Variants in THRAP3 observed in about 807,000 individuals in gnomAD.
THRAP3 encodes thyroid hormone receptor-associated protein 3.
THRAP3 carries 16 observed loss-of-function variants against 101.0 expected under a neutral mutation model. The ratio of observed to expected loss-of-function variants is 0.16; its 90% CI spans 0.11 to 0.24. The LOEUF is 0.24. Among genes scored for constraint, THRAP3 ranks in the 10% least tolerant of loss-of-function variants. The pLI is 1.00. For missense variants in THRAP3, 989 were observed against 1,202.7 expected (o/e 0.82, Z 2.63); for synonymous variants, 407 against 422.6 (o/e 0.96, Z 0.45).
chr1:36,288,639 CA>C (rs1645826189), intron 4 of THRAP3: 4 of 985,280 alleles, frequency 4.1e-6, no homozygotes, highest in Non-Finnish European at 4.8e-6. Context: ...TGTATAAAAG[CA>C]AAACAGTCCA....
intron 9 of THRAP3, among the ~76,000 whole-genome samples, chr1:36,298,131 A>G (rs1222134774): frequency 1.7e-5 from 2 of 119,802 alleles, no homozygotes; most frequent in Non-Finnish European, 3.3e-5. Context: ...TAGGCGACAG[A>G]GTGAGACTTC....
intron 2 of THRAP3, among the ~76,000 whole-genome samples, chr1:36,269,016 G>A (rs545895262): frequency 6.6e-6 from 1 of 152,414 alleles, no homozygotes; most frequent in Admixed American, 6.5e-5. Flanking sequence ...ATGAGCCACC[G>A]CGCCCAGCCG....
chr1:36,261,013 G>C (rs1645439092), intron 2 of THRAP3, among the ~76,000 whole-genome samples: 1 of 151,972 alleles, frequency 6.6e-6, no homozygotes, highest in Non-Finnish European at 1.5e-5. Context: ...ATTTTGCTTA[G>C]TTTCTATGTC....
chr1:36,234,021 T>C (rs1252673100), intron 1 of THRAP3, among the ~76,000 whole-genome samples: 1 of 152,076 alleles, frequency 6.6e-6, no homozygotes, highest in Non-Finnish European at 1.5e-5. Flanking sequence ...GGTGGCGTGA[T>C]CACGGCTAAC....
intron 2 of THRAP3, among the ~76,000 whole-genome samples, chr1:36,275,370 G>A (rs1399409625): frequency 1.4e-5 from 2 of 147,266 alleles, no homozygotes; most frequent in Non-Finnish European, 3.0e-5. Flanking sequence ...GGTGGATCAC[G>A]AGGTCAGGAG....
intron 1 of THRAP3, among the ~76,000 whole-genome samples, chr1:36,235,033 C>T (rs928403247): frequency 6.6e-6 from 1 of 152,138 alleles, no homozygotes; most frequent in African/African-American, 2.4e-5. Flanking sequence ...AGGCAGGTTT[C>T]GAACTCCTGA....
chr1:36,221,902 T>C (rs1279590240), upstream of THRAP3, among the ~76,000 whole-genome samples: 1 of 151,882 alleles, frequency 6.6e-6, no homozygotes. Flanking sequence ...CTCTGCCTTC[T>C]GGGTTCAAGC....
chr1:36,223,385 A>C (rs374336492), upstream of THRAP3, among the ~76,000 whole-genome samples: 1 of 152,246 alleles, frequency 6.6e-6, no homozygotes, highest in African/African-American at 2.4e-5. Flanking sequence ...TTTTCTCTGG[A>C]GGTGCAGAAA....
chr1:36,234,849 C>G (rs1271083576), intron 1 of THRAP3, among the ~76,000 whole-genome samples: 1 of 119,710 alleles, frequency 8.4e-6, no homozygotes, highest in Non-Finnish European at 1.6e-5. Context: ...GAGTCTCGCT[C>G]TGTCGCCTAG....
In THRAP3 at chr1:36,235,626, AAGG is replaced by A. The variant is rs566602351; in HGVS notation, c.-135+11122_-135+11124del. On this transcript the variant is annotated intron_variant, in intron 1 of 11. Transcript: ENST00000354618. ...AAAAATATGATGATTATTGTTGGTG[AAGG>A]TTTGGGGAAATTCTCAAACACTGCT... 2.9e-4 allele frequency among the ~76,000 whole-genome samples: 44 copies of A among 152,302 alleles called. No individual in the cohort carries two copies. In the South Asian group the frequency reaches 9.1e-3, roughly 32 times the overall value.
At chr1:36,217,101 G>A in the THRAP3 span, among the ~76,000 whole-genome samples, 1 of 152,292 alleles carries the variant, frequency 6.6e-6, no homozygotes, top group African/African-American at 2.4e-5. Context: ...AATGAATGAA[G>A]TGATACAGTT....
At chr1:36,234,950 A>G (rs1246615046) in intron 1 of THRAP3, among the ~76,000 whole-genome samples, 1 of 151,198 alleles carries the variant, frequency 6.6e-6, no homozygotes, top group Non-Finnish European at 1.5e-5. Flanking sequence ...AGTAGCTGGG[A>G]TTACAGGCAT....
At chr1:36,260,678 C>G (rs11805276) in intron 2 of THRAP3, among the ~76,000 whole-genome samples, 9 of 151,928 alleles carry the variant, frequency 5.9e-5, no homozygotes. Context: ...AAAAATTAGC[C>G]GGGCGTGGTG....
chr1:36,293,435 G>C (rs1225984400), intron 7 of THRAP3, among the ~76,000 whole-genome samples: 1 of 152,208 alleles, frequency 6.6e-6, no homozygotes, highest in Non-Finnish European at 1.5e-5. Context: ...AGAGGCGGGA[G>C]CTTGTAGGAT....
intron 1 of THRAP3, among the ~76,000 whole-genome samples, chr1:36,230,080 G>A (rs953193380): frequency 3.3e-5 from 5 of 150,528 alleles, no homozygotes; most frequent in East Asian, 3.9e-4. Flanking sequence ...TCAGCCTCCC[G>A]AGTCGCTGGG....
intron 2 of THRAP3, among the ~76,000 whole-genome samples, chr1:36,262,511 C>T (rs1645459257): frequency 6.6e-6 from 1 of 152,190 alleles, no homozygotes; most frequent in African/African-American, 2.4e-5. Context: ...AGACCATTGT[C>T]TGTAAAAGCT....
chr1:36,256,374 C>T (rs1272856722), intron 1 of THRAP3, among the ~76,000 whole-genome samples: 2 of 151,036 alleles, frequency 1.3e-5, no homozygotes, highest in African/African-American at 2.4e-5. Flanking sequence ...TACAGGCGCC[C>T]GCCACCACGC....
Position 36,303,837 on chromosome 1 carries a change from C to T in THRAP3, c.2688C>T (p.Ser896=). Residue 896 remains serine (S), a synonymous_variant, in exon 12 of 12, where the codon AGC becomes AGT. Coordinates refer to ENST00000354618, the MANE Select transcript of THRAP3 (RefSeq NM_005119.4). ...REGEGSDKWV[S]RGRGRGAFPR... ...GCGAAGGCAGTGACAAGTGGGTGAG[C>T]CGGGGCCGGGGCCGAGGAGCCTTTC... The T allele has an allele frequency of 6.2e-7, 1 of 1,614,112 alleles. No individual in the cohort carries two copies. The highest frequency in any genetic ancestry group is 2.2e-5 in the East Asian group (1 of 44,872).
At chr1:36,288,034 C>A in intron 4 of THRAP3, 1 of 955,006 alleles carries the variant, frequency 1.0e-6, no homozygotes, top group Non-Finnish European at 1.2e-6. Flanking sequence ...GTTTTTTGAT[C>A]CCTTGATTCT....
Sources: allele counts gnomAD v4.1 joint callset (sites outside exome capture counted in the v4.1 genomes callset), GRCh38; gene constraint gnomAD v4.1.1; transcripts MANE v1.5; gene names NCBI Gene and HGNC (gene_info 2026-07-23, HGNC 2026-07-21).